Variants in LHFPL3 observed in about 807,000 individuals in gnomAD.
The protein encoded by LHFPL3 is LHFPL tetraspan subfamily member 3, also known as LHFPL tetraspan subfamily member 3 protein.
In LHFPL3, 5 loss-of-function variants were observed where a neutral mutation model predicts 19.3. The observed-to-expected ratio is 0.26, with a 90% CI of 0.14 to 0.54. The LOEUF (loss-of-function observed/expected upper bound fraction) is 0.54, where lower values mean the gene tolerates loss of function less well. Ranked by LOEUF, LHFPL3 falls within the 20% of genes least tolerant of loss-of-function variation. The pLI is 0.94. For missense variants in LHFPL3, 249 were observed against 307.4 expected (o/e 0.81, Z 1.42); for synonymous variants, 133 against 126.2 (o/e 1.05, Z -0.36).
In LHFPL3 at chr7:104,907,499, C is replaced by A. The variant is rs1792643459; in HGVS notation, c.*1284C>A. On this transcript the variant is annotated 3_prime_UTR_variant, in exon 3 of 3. Transcript: ENST00000424859. ...CAATCATTTGCTCCCAGGCTTCCCC[C>A]ATCATCACCCTCACCACATATCCTG... 1.3e-5 allele frequency among the ~76,000 whole-genome samples: 2 copies of A among 152,220 alleles called. No homozygotes were observed. The highest frequency in any genetic ancestry group is 1.3e-4 in the Admixed American group (2 of 15,274).
intron 2 of LHFPL3, among the ~76,000 whole-genome samples, chr7:104,874,411 G>GA (rs968117010): frequency 1.4e-5 from 2 of 148,016 alleles, no homozygotes; most frequent in African/African-American, 5.0e-5. Flanking sequence ...TTTTTTGGGG[G>GA]GGGGACAGAG....
intron 2 of LHFPL3, among the ~76,000 whole-genome samples, chr7:104,804,858 A>T (rs1790324288): frequency 6.6e-6 from 1 of 152,234 alleles, no homozygotes; most frequent in South Asian, 2.1e-4. Context: ...GGATCCAGCC[A>T]TGTCCAACTC....
At chr7:104,461,736 CT>C (rs1445336949) in intron 1 of LHFPL3, among the ~76,000 whole-genome samples, 4 of 151,846 alleles carry the variant, frequency 2.6e-5, no homozygotes, top group African/African-American at 9.7e-5. Flanking sequence ...TATTTGGGCT[CT>C]TTTTTTGGTT....
chr7:104,459,366 A>G (rs909421161), intron 1 of LHFPL3, among the ~76,000 whole-genome samples: 1 of 152,210 alleles, frequency 6.6e-6, no homozygotes, highest in Non-Finnish European at 1.5e-5. Flanking sequence ...CACATTTCCA[A>G]CCAAAATGAA....
rs202069695 is a variant in LHFPL3 at position 104,440,036 on chromosome 7, G to GGGC, written c.445+110814_445+110815insCGG. 8.2e-5 allele frequency among the ~76,000 whole-genome samples: 6 copies of GGGC among 72,964 alleles called. 1 individual carries two copies. The highest frequency in any genetic ancestry group is 1.8e-4 in the Admixed American group (1 of 5,494). 47.9% of individuals were successfully genotyped at this position (72,964 alleles called of 152,430 possible). ...AAGATTACTATATAATACAAAGCCTGGGGGGGGGGAGGGATAGCATTAGGA... is the reference window on the plus strand; with the variant it reads ...AAGATTACTATATAATACAAAGCCTGGGCGGGGGGGGGAGGGATAGCATTAGGA... On this transcript the variant is annotated intron_variant, in intron 1 of 2. Transcript: ENST00000424859.
rs894361635 is a variant in LHFPL3 at position 104,605,910 on chromosome 7, G to A, written c.446-130765G>A. On this transcript the variant is annotated intron_variant, in intron 1 of 2. Coordinates refer to ENST00000424859, the MANE Select transcript of LHFPL3 (RefSeq NM_199000.3). ...ACAAGAAATATTGAAAAGCTACCCC[G>A]TCTTTTAACAGGCACATATTTTTAA... Among the ~76,000 whole-genome samples, 11 of 150,718 alleles carry A rather than the reference G, an allele frequency of 7.3e-5. No homozygotes were observed. In the East Asian group the frequency reaches 7.8e-4, roughly 11 times the overall value.
intron 1 of LHFPL3, among the ~76,000 whole-genome samples, chr7:104,654,768 T>C (rs1419373664): frequency 6.6e-6 from 1 of 152,062 alleles, no homozygotes; most frequent in Admixed American, 6.5e-5. Flanking sequence ...CAGTATGATT[T>C]TTTTCTGTCT....
rs1791979247 is a variant in LHFPL3, at chr7:104,877,884, A to G, written c.683-28303A>G. On this transcript the variant is annotated intron_variant, in intron 2 of 2. Transcript: ENST00000424859. The stretch of plus-strand genomic sequence containing the variant: ...AGTCTTTCTCTGTCACCCAGGCTCG[A>G]GTGCAGTGGTGCAATCTCAGCTCAC... Among the ~76,000 whole-genome samples, 9 of 151,590 alleles carry G rather than the reference A, an allele frequency of 5.9e-5. No individual in the cohort carries two copies. The South Asian group carries it at 1.9e-3, about 32-fold the overall frequency.
chr7:104,583,121 C>G (rs1790493404), intron 1 of LHFPL3, among the ~76,000 whole-genome samples: 1 of 151,942 alleles, frequency 6.6e-6, no homozygotes, highest in Admixed American at 6.6e-5. Context: ...AGATATAGAC[C>G]AATGGAACAG....
At chr7:104,570,638 G>C (rs565240952) in intron 1 of LHFPL3, among the ~76,000 whole-genome samples, 1 of 152,292 alleles carries the variant, frequency 6.6e-6, no homozygotes, top group Non-Finnish European at 1.5e-5. Context: ...CCTAGCAGCT[G>C]TCTCTGCTAT....
chr7:104,750,113 C>G (rs1402741225), intron 2 of LHFPL3, among the ~76,000 whole-genome samples: 2 of 152,210 alleles, frequency 1.3e-5, no homozygotes, highest in Admixed American at 6.5e-5. Context: ...ACAGTACTTT[C>G]TTGATTATCT....
At chr7:104,903,672 ACCAGGCTGGTCTCG>A (rs1792538368) in intron 2 of LHFPL3, among the ~76,000 whole-genome samples, 1 of 151,732 alleles carries the variant, frequency 6.6e-6, no homozygotes, top group Non-Finnish European at 1.5e-5. Context: ...CGCCATATTG[ACCAGGCTGGTCTCG>A]AACTCCTGAC....
At chr7:104,368,502 C>T (rs560656148) in intron 1 of LHFPL3, among the ~76,000 whole-genome samples, 2 of 152,266 alleles carry the variant, frequency 1.3e-5, no homozygotes, top group Non-Finnish European at 2.9e-5. Context: ...ATTTCTGCGG[C>T]GCGTAATCTC....
intron 1 of LHFPL3, among the ~76,000 whole-genome samples, chr7:104,498,941 A>T (rs41024): frequency 0.64 from 97,834 of 152,080 alleles, 33,162 homozygotes; most frequent in African/African-American, 0.86. Flanking sequence ...CTTCCTTTGA[A>T]GACCAATTCC....
At chr7:104,841,570 G>A (rs1584569869) in intron 2 of LHFPL3, among the ~76,000 whole-genome samples, 1 of 150,838 alleles carries the variant, frequency 6.6e-6, no homozygotes, top group Admixed American at 6.6e-5. Context: ...AAGCCATTAC[G>A]TGTCTGCTTT....
At chr7:104,857,937 G>C (rs1022316241) in intron 2 of LHFPL3, among the ~76,000 whole-genome samples, 1 of 152,186 alleles carries the variant, frequency 6.6e-6, no homozygotes, top group African/African-American at 2.4e-5. Context: ...CTACACAGCA[G>C]CTTCTGTGGC....
At chr7:104,541,103 G>GAC (rs58831498) in intron 1 of LHFPL3, among the ~76,000 whole-genome samples, 20,516 of 134,380 alleles carry the variant, frequency 0.15, 1,575 homozygotes, top group Non-Finnish European at 0.17. Context: ...TCCTCCCCAT[G>GAC]ACACACACAC....
intron 2 of LHFPL3, among the ~76,000 whole-genome samples, chr7:104,857,549 CT>C (rs1326746290): frequency 2.6e-5 from 4 of 152,186 alleles, no homozygotes; most frequent in Non-Finnish European, 5.9e-5. Context: ...CCCCAACTTC[CT>C]TGAGGCTATT....
Position 104,669,446 on chromosome 7 carries a change from ACTC to A in LHFPL3, c.446-67227_446-67225del, listed in dbSNP as rs1044696944. 1.9e-6 allele frequency: 3 copies of A among 1,613,084 alleles called. No homozygotes were observed. In the Admixed American group the frequency reaches 5.0e-5, roughly 27 times the overall value. On this transcript the variant is annotated intron_variant, in intron 1 of 2. Coordinates refer to ENST00000424859, the MANE Select transcript of LHFPL3 (RefSeq NM_199000.3). ...AGGAAAGATGGCAAAAAGGATCAAG[ACTC>A]CAGATCTGCACCTGAGCCAAAGAAA... is the stretch of plus-strand genomic sequence containing the variant.
Sources: gnomAD v4.1 joint callset for allele counts (sites outside exome capture counted in the v4.1 genomes callset) on GRCh38, gnomAD v4.1.1 for gene constraint, MANE v1.5 for transcripts, NCBI Gene and HGNC (gene_info 2026-07-23, HGNC 2026-07-21) for gene names.